DSCAM: variants seen among roughly 807,000 people sequenced by gnomAD.
The protein encoded by DSCAM is cell adhesion molecule DSCAM.
Under a neutral mutation model 217.7 loss-of-function variants are expected in DSCAM, and 47 were observed. The observed-to-expected ratio is 0.22, with a 90% CI of 0.17 to 0.28. DSCAM has a LOEUF of 0.28. Among genes scored for constraint, DSCAM ranks in the 10% least tolerant of loss-of-function variants. The pLI, the probability that DSCAM is intolerant of heterozygous loss-of-function variation, is 1.00. For synonymous variants in DSCAM, 1,056 were observed against 1,015.3 expected (o/e 1.04, Z -0.76); for missense variants, 2,080 against 2,618.3 (o/e 0.79, Z 4.49).
chr21:40,550,667 A>G (rs577865126), intron 3 of DSCAM, among the ~76,000 whole-genome samples: 1 of 152,218 alleles, frequency 6.6e-6, no homozygotes, highest in Non-Finnish European at 1.5e-5. Context: ...CTAGAGTAGT[A>G]GTAGCTATTA....
At chr21:40,117,650 A>G (rs531560926) in intron 20 of DSCAM, among the ~76,000 whole-genome samples, 1 of 152,356 alleles carries the variant, frequency 6.6e-6, no homozygotes, top group South Asian at 2.1e-4. Context: ...AAAATGAAAT[A>G]GAATAGAAAA....
intron 3 of DSCAM, among the ~76,000 whole-genome samples, chr21:40,606,516 G>A (rs1013323410): frequency 1.3e-5 from 2 of 152,182 alleles, no homozygotes; most frequent in African/African-American, 4.8e-5. Flanking sequence ...CCTCTAGCTG[G>A]CTAACATTGG....
intron 1 of DSCAM, among the ~76,000 whole-genome samples, chr21:40,765,452 G>T (rs555867377): frequency 6.6e-6 from 1 of 152,230 alleles, no homozygotes; most frequent in African/African-American, 2.4e-5. Context: ...CCTTTATTAT[G>T]AATTGTTTAT....
chr21:40,686,148 C>G (rs1442455099), intron 3 of DSCAM, among the ~76,000 whole-genome samples: 1 of 149,096 alleles, frequency 6.7e-6, no homozygotes, highest in Non-Finnish European at 1.5e-5. Context: ...ATCACACACA[C>G]CCCCTGCATA....
intron 3 of DSCAM, among the ~76,000 whole-genome samples, chr21:40,381,425 G>A (rs2075024244): frequency 6.6e-6 from 1 of 152,218 alleles, no homozygotes; most frequent in African/African-American, 2.4e-5. Flanking sequence ...GGAAGGGAAT[G>A]TGTATTTCAG....
rs75740196 is a variant in DSCAM at position 40,047,728 on chromosome 21, A to G, written c.5186-3453T>C. Among the ~76,000 whole-genome samples the G allele has an allele frequency of 4.4e-3, 668 of 152,330 alleles. 5 individuals are homozygous for G. Among genetic ancestry groups the G allele is most frequent in the African/African-American group, 0.015 (641 of 41,566 alleles). On this transcript the variant is annotated intron_variant, in intron 30 of 32. Transcript: ENST00000400454. ...TACTAGTTGTCTCAGAGAGAGGATGAAACTGGGAGATCTGAACACTCCCTC... is the reference window on the plus strand; with the variant it reads ...TACTAGTTGTCTCAGAGAGAGGATGGAACTGGGAGATCTGAACACTCCCTC...
chr21:40,585,333 C>CACATA (rs2076937209), intron 3 of DSCAM, among the ~76,000 whole-genome samples: 1 of 52,930 alleles, frequency 1.9e-5, no homozygotes, highest in Non-Finnish European at 5.1e-5. Flanking sequence ...AAGAAAAATG[C>CACATA]TGCGTGAACC....
Position 40,026,046 on chromosome 21 carries a change from C to T in DSCAM, c.5687-12660G>A, listed in dbSNP as rs1333517359. Among the ~76,000 whole-genome samples, 18 of 141,800 alleles carry T rather than the reference C, an allele frequency of 1.3e-4. 2 individuals are homozygous for T. In the East Asian group the frequency reaches 1.4e-3, roughly 11 times the overall value. The allele number at this position is 141,800 out of a possible 152,430, so 93.0% of individuals were successfully genotyped here. A position where few individuals can be genotyped will look rare whatever the true frequency, so the allele number is the denominator to read the frequency against. On this transcript the variant is annotated intron_variant, in intron 32 of 32. Transcript: ENST00000400454. ...TTCCCTGTACACACTGCTTTGAATG[C>T]GTCCCAGAGATTCTGGTATGTTGTG...
intron 3 of DSCAM, among the ~76,000 whole-genome samples, chr21:40,599,244 G>A (rs1280148120): frequency 6.6e-6 from 1 of 152,128 alleles, no homozygotes; most frequent in African/African-American, 2.4e-5. Context: ...TGGGATACAA[G>A]TGCAGAACAT....
intron 3 of DSCAM, among the ~76,000 whole-genome samples, chr21:40,673,671 A>G (rs1021350473): frequency 2.0e-5 from 3 of 152,184 alleles, no homozygotes; most frequent in Non-Finnish European, 2.9e-5. Flanking sequence ...TCCCATGAAT[A>G]GTTTAGCACT....
chr21:40,458,732 A>C (rs766322105), intron 3 of DSCAM, among the ~76,000 whole-genome samples: 10 of 152,180 alleles, frequency 6.6e-5, no homozygotes, highest in Non-Finnish European at 1.3e-4. Flanking sequence ...ACTTTACCTA[A>C]TTCTGTAACC....
At chr21:40,728,383 T>C (rs761458550) in intron 1 of DSCAM, among the ~76,000 whole-genome samples, 20 of 152,166 alleles carry the variant, frequency 1.3e-4, no homozygotes, top group Non-Finnish European at 2.4e-4. Flanking sequence ...CAGTGACATA[T>C]AGTGTTTTAA....
At chr21:40,619,424 G>T (rs763760351) in intron 3 of DSCAM, among the ~76,000 whole-genome samples, 1 of 152,042 alleles carries the variant, frequency 6.6e-6, no homozygotes, top group Admixed American at 6.6e-5. Flanking sequence ...ATATGTTGGG[G>T]TAATAGTTTT....
intron 19 of DSCAM, among the ~76,000 whole-genome samples, chr21:40,126,637 TTTAAG>T (rs2090096838): frequency 6.6e-6 from 1 of 152,192 alleles, no homozygotes; most frequent in Non-Finnish European, 1.5e-5. Flanking sequence ...ATTTATATGT[TTTAAG>T]TTAAAATGCA....
At chr21:40,291,316 C>A (rs924979796) in intron 10 of DSCAM, among the ~76,000 whole-genome samples, 1 of 152,248 alleles carries the variant, frequency 6.6e-6, no homozygotes, top group Non-Finnish European at 1.5e-5. Flanking sequence ...CCTTTTAAAG[C>A]ATGAGGCAGA....
At chr21:40,820,423 A>C (rs1466139353) in intron 1 of DSCAM, among the ~76,000 whole-genome samples, 3 of 152,172 alleles carry the variant, frequency 2.0e-5, no homozygotes, top group Non-Finnish European at 4.4e-5. Flanking sequence ...GAACACATGG[A>C]CACAAGGAGG....
rs531933352 is a variant in DSCAM at position 40,279,486 on chromosome 21, A to T, written c.2183-3216T>A. On this transcript the variant is annotated intron_variant, in intron 10 of 32. Transcript: ENST00000400454. ...AAAGTCAGGAAACAACAGATGCTGGAGAGGATGTGGAGAAATAGGAAGGCT... is the reference window on the plus strand; with the variant it reads ...AAAGTCAGGAAACAACAGATGCTGGTGAGGATGTGGAGAAATAGGAAGGCT... Among the ~76,000 whole-genome samples the T allele has an allele frequency of 1.4e-4, 21 of 152,366 alleles. No homozygotes were observed. The South Asian group carries it at 2.9e-3, about 21-fold the overall frequency.
At chr21:40,133,648 T>C (rs574999809) in intron 19 of DSCAM, among the ~76,000 whole-genome samples, 2 of 151,278 alleles carry the variant, frequency 1.3e-5, no homozygotes, top group African/African-American at 4.9e-5. Flanking sequence ...AGAAAAAATA[T>C]AGAGGAAGAA....
At chr21:40,276,943 T>C (rs563607500) in intron 10 of DSCAM, among the ~76,000 whole-genome samples, 151 of 152,110 alleles carry the variant, frequency 9.9e-4, no homozygotes, top group African/African-American at 3.3e-3. Context: ...TGTGGTATGA[T>C]TCATATGAAG....
Sources: gnomAD v4.1 joint callset for allele counts (sites outside exome capture counted in the v4.1 genomes callset) on GRCh38, gnomAD v4.1.1 for gene constraint, MANE v1.5 for transcripts, NCBI Gene and HGNC (gene_info 2026-07-23, HGNC 2026-07-21) for gene names.